ZNF559: variants seen among roughly 807,000 people sequenced by gnomAD.
ZNF559 encodes putative protein product of Nbla00121.
Under a neutral mutation model 14.2 loss-of-function variants are expected in ZNF559, and 17 were observed. The observed-to-expected ratio is 1.20, with a 90% CI of 0.82 to 1.80. ZNF559 has a LOEUF of 1.80. ZNF559 is among the 40% of genes most tolerant of loss of function. The pLI is 0.00. For synonymous variants in ZNF559, 244 were observed against 212.4 expected, an observed-to-expected ratio of 1.15 and a Z score of -1.29; for missense variants, 740 against 629.7, an observed-to-expected ratio of 1.18 and a Z score of -1.88.
rs758925671 is a variant in ZNF559 at position 9,342,857 on chromosome 19, AGT to A, written c.1410_1411del (p.Cys470TrpfsTer20). Reference sequence around the variant, plus strand: ...GGGGAGAGGCCATATAAATGTCAAAAGTGTGGGCAAGCCTTCAGTATCTCATC... The same window carrying A: ...GGGGAGAGGCCATATAAATGTCAAAAGTGGGCAAGCCTTCAGTATCTCATC... On this transcript the variant is annotated frameshift_variant, in exon 7 of 7. Coordinates refer to ENST00000603380, the MANE Select transcript of ZNF559 (RefSeq NM_032497.3). LOFTEE classifies it low-confidence loss of function (END_TRUNC). 5 of 1,614,034 alleles carry A rather than the reference AGT, an allele frequency of 3.1e-6. No individual in the cohort carries two copies. Among genetic ancestry groups the A allele is most frequent in the Admixed American group, 3.3e-5 (2 of 60,006 alleles).
At chr19:9,340,288 A>G (rs1264510795) in intron 5 of ZNF559, among the ~76,000 whole-genome samples, 1 of 152,146 alleles carries the variant, frequency 6.6e-6, no homozygotes. Context: ...AATATTAAGT[A>G]GGAAGGTTTT....
intron 1 of ZNF559, 188 bp downstream of exon 1, chr19:9,324,416 G>A (rs973733398): frequency 1.0e-5 from 15 of 1,448,584 alleles, no homozygotes; most frequent in Non-Finnish European, 1.4e-5. Context: ...TCTGTCCTCA[G>A]GGGTCGAGGC....
intron 3 of ZNF559, chr19:9,338,070 AGCT>A: frequency 6.7e-7 from 1 of 1,485,382 alleles, no homozygotes; most frequent in South Asian, 1.2e-5. Context: ...GTCTGTGAAC[AGCT>A]TGTCTTGTGA....
chr19:9,324,075 C>T, upstream of ZNF559: 1 of 1,357,670 alleles, frequency 7.4e-7, no homozygotes, highest in Non-Finnish European at 1.0e-6. Flanking sequence ...CCTCTCAGCT[C>T]TGGGTTGGAA....
chr19:9,335,135 C>CAAAAAAA (rs59300029), intron 2 of ZNF559, among the ~76,000 whole-genome samples: 1 of 124,598 alleles, frequency 8.0e-6, no homozygotes, highest in African/African-American at 3.1e-5. Context: ...GACTCTGTCT[C>CAAAAAAA]AAAAAAAAAA....
intron 4 of ZNF559, among the ~76,000 whole-genome samples, 149 bp from the exon 5 acceptor site, chr19:9,339,040 ATATG>A (rs1179639385): frequency 6.6e-6 from 1 of 152,214 alleles, no homozygotes; most frequent in Non-Finnish European, 1.5e-5. Flanking sequence ...TCACCGGTGA[ATATG>A]TACAGACAGG....
At chr19:9,330,515 T>C (rs2145100307) in intron 2 of ZNF559, among the ~76,000 whole-genome samples, 1 of 152,318 alleles carries the variant, frequency 6.6e-6, no homozygotes, top group African/African-American at 2.4e-5. Flanking sequence ...GTTTTTTCTT[T>C]TTGTTCCTCT....
intron 2 of ZNF559, chr19:9,330,309 A>G (rs1017762412): frequency 6.6e-6 from 1 of 152,148 alleles, no homozygotes; most frequent in African/African-American, 2.4e-5. Context: ...GATCTCTTTC[A>G]GTTGAACCTT....
intron 1 of ZNF559, 56 bp downstream of exon 1, chr19:9,324,284 G>A (rs1452071331): frequency 2.0e-6 from 3 of 1,535,818 alleles, no homozygotes; most frequent in South Asian, 2.4e-5. Flanking sequence ...CCACGCGAGA[G>A]TAGAAGGGTG....
At chr19:9,332,816 CTTA>C (rs2067011306) in intron 2 of ZNF559, among the ~76,000 whole-genome samples, 1 of 152,128 alleles carries the variant, frequency 6.6e-6, no homozygotes. Flanking sequence ...CTTAGCAAAG[CTTA>C]TTATTTAGGT....
At chr19:9,339,890 T>A (rs1399125588) in intron 5 of ZNF559, among the ~76,000 whole-genome samples, 2 of 147,046 alleles carry the variant, frequency 1.4e-5, no homozygotes, top group Non-Finnish European at 1.5e-5. Context: ...TGCCTCAGCC[T>A]CCCGAGTAGC....
chr19:9,341,810 A>AG lies in ZNF559; in HGVS notation c.360dup (p.Cys121ValfsTer2). The AG allele has an allele frequency of 6.2e-7, 1 of 1,610,366 alleles. No individual in the cohort carries two copies. Among genetic ancestry groups the AG allele is most frequent in the Non-Finnish European group, 8.5e-7 (1 of 1,179,098 alleles). ...ACTTACTTTAGAAAGAAAACCTGTG[A>AG]GTGTAATCAATGTGAAAAAGCCTTC... is the stretch of plus-strand genomic sequence containing the variant. On this transcript the variant is annotated frameshift_variant, in exon 7 of 7. Transcript: ENST00000603380. LOFTEE classifies it low-confidence loss of function (END_TRUNC).
At chr19:9,337,265 C>A (rs922987458) in intron 2 of ZNF559, among the ~76,000 whole-genome samples, 5 of 152,158 alleles carry the variant, frequency 3.3e-5, no homozygotes, top group African/African-American at 1.2e-4. Flanking sequence ...AGGCCTTCAG[C>A]ATAAATCATA....
Position 9,342,710 on chromosome 19 carries a change from G to A in ZNF559, c.1259G>A (p.Arg420Gln), listed in dbSNP as rs182459884. ...DCQQCGKAFI[R>Q]SSFLIRHLRS... Reference sequence around the variant, plus strand: ...CAACAGTGTGGGAAAGCCTTCATTCGATCCTCATTTCTTATTCGACATTTG... The same window carrying A: ...CAACAGTGTGGGAAAGCCTTCATTCAATCCTCATTTCTTATTCGACATTTG... Residue 420 changes from arginine to glutamine, a missense_variant, in exon 7 of 7, where the codon CGA becomes CAA. Arg to Gln is a conservative substitution (Grantham distance 43). Transcript: ENST00000603380. The A allele has an allele frequency of 1.5e-4, 244 of 1,613,988 alleles. No homozygotes were observed. The Admixed American group carries it at 3.7e-3, about 24-fold the overall frequency.
chr19:9,335,878 TC>T (rs1204596501), intron 2 of ZNF559, among the ~76,000 whole-genome samples: 2 of 152,178 alleles, frequency 1.3e-5, no homozygotes, highest in African/African-American at 4.8e-5. Flanking sequence ...AAGAAAAACT[TC>T]AGATAAACGT....
chr19:9,343,762 A>G lies in ZNF559; in HGVS notation c.*694A>G. 1 of 985,784 alleles carries G rather than the reference A, an allele frequency of 1.0e-6. No individual in the cohort carries two copies. 61.1% of individuals were successfully genotyped at this position (985,784 alleles called of 1,614,324 possible). The stretch of plus-strand genomic sequence containing the variant: ...TACATGCAAAAAGTCACACTAGAGG[A>G]ATGCCATATCAGAATGCTTTTGGTA... On this transcript the variant is annotated 3_prime_UTR_variant, in exon 7 of 7. Coordinates refer to ENST00000603380, the MANE Select transcript of ZNF559 (RefSeq NM_032497.3).
rs1173788704 is a variant in ZNF559 at position 9,343,409 on chromosome 19, A to G, written c.*341A>G. Reference sequence around the variant, plus strand: ...ATGTGAGGAAGGTGGAAAAGCTTTCATTATTTTCCTCGGGCCTTACTGAGC... The same window carrying G: ...ATGTGAGGAAGGTGGAAAAGCTTTCGTTATTTTCCTCGGGCCTTACTGAGC... On this transcript the variant is annotated 3_prime_UTR_variant, in exon 7 of 7. Transcript: ENST00000603380. The G allele has an allele frequency of 2.7e-6, 3 of 1,091,432 alleles. No individual in the cohort carries two copies. Among genetic ancestry groups the G allele is most frequent in the Admixed American group, 9.6e-5 (2 of 20,866 alleles). 67.6% of individuals were successfully genotyped at this position (1,091,432 alleles called of 1,614,324 possible).
At chr19:9,340,365 C>T (rs190203537) in intron 5 of ZNF559, among the ~76,000 whole-genome samples, 4 of 152,134 alleles carry the variant, frequency 2.6e-5, no homozygotes, top group Admixed American at 1.3e-4. Flanking sequence ...GGTACCTTAA[C>T]TTCTCTTTCA....
intron 6 of ZNF559, 21 bp from the exon 7 acceptor site, chr19:9,341,674 A>T (rs771747464): frequency 6.2e-7 from 1 of 1,600,358 alleles, no homozygotes. Flanking sequence ...TCTATGAACC[A>T]TCATTAATTT....
Sources: gnomAD v4.1 joint callset for allele counts (sites outside exome capture counted in the v4.1 genomes callset) on GRCh38, gnomAD v4.1.1 for gene constraint, MANE v1.5 for transcripts, NCBI Gene and HGNC (gene_info 2026-07-23, HGNC 2026-07-21) for gene names.